Variants in TDRD1 observed in about 807,000 individuals in gnomAD.
TDRD1 encodes tudor domain containing 1.
In TDRD1, 37 loss-of-function variants were observed where a neutral mutation model predicts 140.6. That is an observed-to-expected ratio of 0.26 (90% confidence interval 0.20 to 0.35). The LOEUF (loss-of-function observed/expected upper bound fraction) is 0.35. Ranked by LOEUF, TDRD1 falls within the 10% of genes least tolerant of loss-of-function variation. The pLI, the probability that TDRD1 is intolerant of heterozygous loss-of-function variation, is 1.00. For synonymous variants in TDRD1, 506 were observed against 475.7 expected (o/e 1.06, Z -0.83); for missense variants, 1,243 against 1,393.0 (o/e 0.89, Z 1.71).
downstream of TDRD1, among the ~76,000 whole-genome samples, chr10:114,232,504 C>CTTTTTTTTTTTTTTTTT (rs140805425): frequency 1.6e-4 from 13 of 81,668 alleles, no homozygotes; most frequent in African/African-American, 3.8e-4. Context: ...ACTTGAAAGA[C>CTTTTTTTTTTTTTTTTT]TTTTTTTTTT....
At chr10:114,190,976 C>T in exon 3 of TDRD1, 1 of 1,613,950 alleles carries the variant, frequency 6.2e-7, no homozygotes, top group Non-Finnish European at 8.5e-7. Context: ...TCAGTGTCAC[C>T]ACCAAGTGCT....
intron 21 of TDRD1, among the ~76,000 whole-genome samples, chr10:114,223,353 A>G (rs7078513): frequency 0.17 from 26,374 of 152,182 alleles, 2,533 homozygotes; most frequent in African/African-American, 0.24. Context: ...CTTTCAGTCA[A>G]TAGCTGGGAA....
chr10:114,176,135 T>C (rs983825944), upstream of TDRD1, among the ~76,000 whole-genome samples: 2 of 152,094 alleles, frequency 1.3e-5, no homozygotes, highest in African/African-American at 4.8e-5. The surrounding 1 kb of genome is among the most constrained non-coding windows in gnomAD (Gnocchi z 4.2). Context: ...AATGGATGGA[T>C]GGGGCTGGCA....
At chr10:114,184,496 G>A (rs1189915102) in intron 1 of TDRD1, among the ~76,000 whole-genome samples, 1 of 152,220 alleles carries the variant, frequency 6.6e-6, no homozygotes, top group South Asian at 2.1e-4. Context: ...AGAAAGGGGT[G>A]AAGGCCTGTG....
chr10:114,223,163 A>G (rs2036241797), intron 21 of TDRD1, among the ~76,000 whole-genome samples: 1 of 152,188 alleles, frequency 6.6e-6, no homozygotes, highest in African/African-American at 2.4e-5. Flanking sequence ...TAACACTTGG[A>G]TTTGCTTCTG....
intron 11 of TDRD1, among the ~76,000 whole-genome samples, chr10:114,209,797 T>A (rs980267735): frequency 6.6e-6 from 1 of 152,224 alleles, no homozygotes; most frequent in African/African-American, 2.4e-5. Context: ...TCTAGATAAT[T>A]ATTTTCTTAT....
At chr10:114,230,404 T>C (rs527363874) in intron 25 of TDRD1, among the ~76,000 whole-genome samples, 1 of 152,360 alleles carries the variant, frequency 6.6e-6, no homozygotes, top group South Asian at 2.1e-4. Context: ...GTTTGGGTAG[T>C]ACGTATTTAC....
At chr10:114,218,941 C>G (rs925737528) in intron 18 of TDRD1, among the ~76,000 whole-genome samples, 4 of 152,102 alleles carry the variant, frequency 2.6e-5, no homozygotes, top group African/African-American at 9.7e-5. Flanking sequence ...ATTATTACAC[C>G]ACTGATAATA....
chr10:114,199,248 A>G (rs2034568526), exon 4 of TDRD1: 2 of 1,614,128 alleles, frequency 1.2e-6, no homozygotes, highest in East Asian at 4.5e-5. Flanking sequence ...GTCCATAAGT[A>G]ATCCAGGGCT....
intron 20 of TDRD1, among the ~76,000 whole-genome samples, 164 bp downstream of exon 20, chr10:114,221,640 G>A (rs77413804): frequency 2.1e-3 from 313 of 152,278 alleles, no homozygotes; most frequent in African/African-American, 7.0e-3. Context: ...AAACACTAGC[G>A]GGAACATGAA....
chr10:114,186,651 G>A (rs141918146), intron 1 of TDRD1, among the ~76,000 whole-genome samples: 1 of 152,274 alleles, frequency 6.6e-6, no homozygotes, highest in Admixed American at 6.5e-5. Context: ...ATTTAGGCGT[G>A]CTTATCCATA....
rs1466151910 is a variant in TDRD1, at chr10:114,226,220, G to A, written c.3175+4G>A. The A allele has an allele frequency of 6.2e-7, 1 of 1,604,506 alleles. No individual in the cohort carries two copies. The highest frequency in any genetic ancestry group is 1.7e-5 in the Admixed American group (1 of 58,748). ...ATTATTAGATGTTCACTTGAAGGTA[G>A]ACAGCTAAGTCACTTTCCAATTTAG... On this transcript the variant is annotated splice_donor_region_variant and intron_variant, in intron 22 of 25. Coordinates refer to ENST00000251864, the Ensembl canonical transcript of TDRD1.
intron 2 of TDRD1, among the ~76,000 whole-genome samples, chr10:114,190,359 C>T (rs1246879202): frequency 6.6e-6 from 1 of 152,026 alleles, no homozygotes; most frequent in Non-Finnish European, 1.5e-5. Flanking sequence ...TGTGTAGGGT[C>T]CTCAGCTTTT....
At chr10:114,186,856 A>G (rs951152038) in intron 1 of TDRD1, among the ~76,000 whole-genome samples, 1 of 152,174 alleles carries the variant, frequency 6.6e-6, no homozygotes, top group Non-Finnish European at 1.5e-5. Context: ...TAAAATAAGA[A>G]ATGAGATAAT....
At chr10:114,220,837 C>G (rs1371944975) in exon 19 of TDRD1, 1 of 1,603,676 alleles carries the variant, frequency 6.2e-7, no homozygotes, top group African/African-American at 1.3e-5. Flanking sequence ...TGTACAGGGA[C>G]TTCAAGGTAA....
chr10:114,207,502 C>T lies in TDRD1; in HGVS notation c.1384+1172C>T, dbSNP rs557347804. ...TCTCCCTATCTGCATTCTTAGAGTA[C>T]TTGCCTATGTGATATGCCTAAGAAC... On this transcript the variant is annotated intron_variant, in intron 11 of 25. Coordinates refer to ENST00000251864, the Ensembl canonical transcript of TDRD1. 9.9e-5 allele frequency among the ~76,000 whole-genome samples: 15 copies of T among 152,268 alleles called. No homozygotes were observed. The East Asian group carries it at 2.7e-3, about 27-fold the overall frequency.
intron 18 of TDRD1, 35 bp from the exon 19 acceptor site, chr10:114,220,533 A>T: frequency 6.4e-7 from 1 of 1,555,144 alleles, no homozygotes; most frequent in Non-Finnish European, 8.8e-7. Flanking sequence ...AAACTTGTTC[A>T]TAGGATTCTT....
At position 114,199,028 on chromosome 10, in the gene TDRD1, A is replaced by G. The variant is rs2034555874; in HGVS notation, c.385-145A>G. On this transcript the variant is annotated intron_variant, in intron 3 of 25. Transcript: ENST00000251864. The stretch of plus-strand genomic sequence containing the variant: ...GAGTCACCGTATGTTTGTTTTATAT[A>G]TAAGTTCAGGGTTTTAGTTTACCTT... 1.8e-5 allele frequency: 16 copies of G among 901,572 alleles called. No homozygotes were observed. The South Asian group carries it at 2.7e-4, about 15-fold the overall frequency. 55.8% of individuals were successfully genotyped at this position (901,572 alleles called of 1,614,324 possible).
intron 25 of TDRD1, chr10:114,228,395 CTA>C (rs2036564249): frequency 1.7e-6 from 2 of 1,173,914 alleles, no homozygotes; most frequent in South Asian, 2.6e-5. Flanking sequence ...CTGTGAATGC[CTA>C]TGTTATTGAT....
Sources: allele counts gnomAD v4.1 joint callset (sites outside exome capture counted in the v4.1 genomes callset), GRCh38; gene constraint gnomAD v4.1.1; non-coding constraint Gnocchi (gnomAD v3.1); transcripts MANE v1.5; gene names NCBI Gene and HGNC (gene_info 2026-07-23, HGNC 2026-07-21).